SEMA6D: variants seen among roughly 807,000 people sequenced by gnomAD.
SEMA6D encodes the protein semaphorin 6D.
Under a neutral mutation model 106.6 loss-of-function variants are expected in SEMA6D, and 35 were observed. The ratio of observed to expected loss-of-function variants is 0.33; its 90% CI spans 0.25 to 0.44. SEMA6D has a LOEUF of 0.44. SEMA6D is among the 20% of genes least tolerant of loss of function. SEMA6D has a pLI of 1.00. For synonymous variants in SEMA6D, 499 were observed against 487.7 expected, an observed-to-expected ratio of 1.02 and a Z score of -0.31; for missense variants, 1,185 against 1,345.9, an observed-to-expected ratio of 0.88 and a Z score of 1.87.
At chr15:47,433,407 G>A (rs1247112240) in intron 2 of SEMA6D, among the ~76,000 whole-genome samples, 2 of 151,978 alleles carry the variant, frequency 1.3e-5, no homozygotes, top group East Asian at 3.9e-4. Flanking sequence ...AACAGATGCA[G>A]AATAACAGCA....
chr15:47,762,897 G>A, intron 8 of SEMA6D, 119 bp from the exon 9 acceptor site: 2 of 695,382 alleles, frequency 2.9e-6, no homozygotes, highest in Non-Finnish European at 4.7e-6. Context: ...TTGGCAGATT[G>A]GAGTTCTTGT....
At chr15:47,231,283 C>A (rs1451405787) in intron 1 of SEMA6D, among the ~76,000 whole-genome samples, 2 of 151,944 alleles carry the variant, frequency 1.3e-5, no homozygotes, top group Non-Finnish European at 2.9e-5. Context: ...CTTGACTGAT[C>A]CTAAAATTTT....
intron 1 of SEMA6D, chr15:47,730,787 G>A: frequency 6.3e-7 from 1 of 1,593,026 alleles, no homozygotes; most frequent in Non-Finnish European, 8.5e-7. Context: ...AAGCGGGTGA[G>A]GTCTCTTTTG....
chr15:47,353,871 TC>T (rs2038429774), intron 1 of SEMA6D, among the ~76,000 whole-genome samples: 1 of 152,162 alleles, frequency 6.6e-6, no homozygotes, highest in African/African-American at 2.4e-5. Context: ...CAGAATCTTT[TC>T]CTTTTTTATT....
intron 1 of SEMA6D, among the ~76,000 whole-genome samples, chr15:47,366,312 T>C (rs1197413366): frequency 6.6e-6 from 1 of 152,214 alleles, no homozygotes; most frequent in African/African-American, 2.4e-5. Flanking sequence ...ATTGTATTAT[T>C]AAGGGTGGCA....
chr15:47,225,519 GTTTTTT>G (rs71118160), intron 1 of SEMA6D, among the ~76,000 whole-genome samples: 16 of 92,400 alleles, frequency 1.7e-4, no homozygotes, highest in African/African-American at 8.3e-4. Flanking sequence ...CTTGTTGAGG[GTTTTTT>G]TTTTTTTTTT....
At chr15:47,481,294 T>C (rs2141299359) in intron 3 of SEMA6D, among the ~76,000 whole-genome samples, 1 of 152,284 alleles carries the variant, frequency 6.6e-6, no homozygotes, top group Admixed American at 6.5e-5. Flanking sequence ...CAGCTTTGGC[T>C]GTGTCATCTT....
chr15:47,689,073 G>A (rs2078530250), intron 4 of SEMA6D, among the ~76,000 whole-genome samples: 1 of 152,156 alleles, frequency 6.6e-6, no homozygotes, highest in South Asian at 2.1e-4. Context: ...GGAGGCAGTG[G>A]CAGAAATATG....
intron 1 of SEMA6D, among the ~76,000 whole-genome samples, chr15:47,391,135 A>C (rs1370632859): frequency 1.3e-5 from 2 of 152,082 alleles, no homozygotes; most frequent in African/African-American, 4.8e-5. Context: ...GAGATATTCC[A>C]GGTCCTCTAC....
At chr15:47,397,759 G>A (rs1236720872) in intron 1 of SEMA6D, 2 of 152,180 alleles carry the variant, frequency 1.3e-5, no homozygotes, top group East Asian at 3.9e-4. Context: ...TGCCATTGAA[G>A]ATGTTGTAAC....
intron 1 of SEMA6D, among the ~76,000 whole-genome samples, chr15:47,202,053 A>C (rs1052085337): frequency 9.2e-5 from 14 of 151,970 alleles, no homozygotes; most frequent in Non-Finnish European, 1.6e-4. Flanking sequence ...GTTAATGTTC[A>C]TTACATGGGG....
At chr15:47,206,329 G>T (rs1319959089) in intron 1 of SEMA6D, among the ~76,000 whole-genome samples, 2 of 152,176 alleles carry the variant, frequency 1.3e-5, no homozygotes, top group Non-Finnish European at 2.9e-5. Flanking sequence ...TGGCCAACAG[G>T]TTGGTCGTGT....
chr15:47,223,068 C>T (rs981794277), intron 1 of SEMA6D, among the ~76,000 whole-genome samples: 1 of 152,148 alleles, frequency 6.6e-6, no homozygotes, highest in Admixed American at 6.5e-5. Context: ...TCCCAGGTTC[C>T]ATCTTATACT....
chr15:47,654,223 A>G (rs1460313959), intron 4 of SEMA6D, among the ~76,000 whole-genome samples: 1 of 152,184 alleles, frequency 6.6e-6, no homozygotes, highest in African/African-American at 2.4e-5. Flanking sequence ...TTTTGTAATT[A>G]CAGTTGACCC....
At chr15:47,660,499 G>A (rs933424013) in intron 4 of SEMA6D, among the ~76,000 whole-genome samples, 18 of 152,134 alleles carry the variant, frequency 1.2e-4, no homozygotes, top group South Asian at 6.2e-4. Context: ...GGACAAACAC[G>A]TAGACCCAGG....
chr15:47,680,016 A>G (rs934170321), intron 4 of SEMA6D, among the ~76,000 whole-genome samples: 1 of 152,132 alleles, frequency 6.6e-6, no homozygotes, highest in Non-Finnish European at 1.5e-5. Flanking sequence ...TCCCTTTCAT[A>G]GAATTGCCCC....
At chr15:47,748,293 T>G (rs185255505) in intron 1 of SEMA6D, among the ~76,000 whole-genome samples, 50 of 152,344 alleles carry the variant, frequency 3.3e-4, no homozygotes, top group Admixed American at 3.2e-3. Flanking sequence ...ATGTGGCCTG[T>G]GTGCCACAGC....
At chr15:47,648,503 T>TGAATGAATGAATGAATGAATGAAA (rs2077623697) in intron 4 of SEMA6D, among the ~76,000 whole-genome samples, 1 of 152,068 alleles carries the variant, frequency 6.6e-6, no homozygotes, top group African/African-American at 2.4e-5. Context: ...AATGAATGAA[T>TGAATGAATGAATGAATGAATGAAA]GAAAATTTGT....
At chr15:47,743,114 A>G (rs1317258111) in intron 1 of SEMA6D, among the ~76,000 whole-genome samples, 2 of 152,194 alleles carry the variant, frequency 1.3e-5, no homozygotes, top group Non-Finnish European at 2.9e-5. Context: ...TGGGCCGGAC[A>G]ATATCACTGG....
Sources: allele counts gnomAD v4.1 joint callset (sites outside exome capture counted in the v4.1 genomes callset), GRCh38; gene constraint gnomAD v4.1.1; transcripts MANE v1.5; gene names NCBI Gene and HGNC (gene_info 2026-07-23, HGNC 2026-07-21).